The following UQCR11 variants were observed in gnomAD, a reference collection of about 807,000 sequenced individuals.
UQCR11 encodes the protein cytochrome b-c1 complex subunit 10.
In UQCR11, 10 loss-of-function variants were observed where a neutral mutation model predicts 7.6. The ratio of observed to expected loss-of-function variants is 1.31; its 90% CI spans 0.81 to 2.22. The LOEUF (loss-of-function observed/expected upper bound fraction) is 2.22. UQCR11 is among the 30% of genes most tolerant of loss of function. The pLI is 0.00. For missense variants in UQCR11, 86 were observed against 75.1 expected, an observed-to-expected ratio of 1.15 and a Z score of -0.54; for synonymous variants, 34 against 34.9, an observed-to-expected ratio of 0.97 and a Z score of 0.09.
intron 1 of UQCR11, among the ~76,000 whole-genome samples, chr19:1,604,718 C>G (rs770314508): frequency 6.6e-6 from 1 of 151,540 alleles, no homozygotes; most frequent in African/African-American, 2.4e-5. Flanking sequence ...AGTAGAGACG[C>G]GGGTTTCACC....
chr19:1,599,687 A>C, intron 1 of UQCR11, 127 bp from the exon 2 acceptor site: 2 of 1,406,518 alleles, frequency 1.4e-6, no homozygotes, highest in Non-Finnish European at 1.9e-6. Flanking sequence ...GTGCCCGCCC[A>C]GTGCTGTGAG....
In UQCR11 at chr19:1,599,502, CGGT is replaced by C. The variant is rs757411210; in HGVS notation, c.106_108del (p.Thr36del). 1 of 1,613,596 alleles carries C rather than the reference CGGT, an allele frequency of 6.2e-7. No homozygotes were observed. The highest frequency in any genetic ancestry group is 1.1e-5 in the South Asian group (1 of 91,086). ...ACCCAGTCCAGGATCAGCCGCCAAT[CGGT>C]GGCCCACACCAGCCCCACGGCGCCC... On this transcript the variant is annotated inframe_deletion, in exon 2 of 3. Transcript: ENST00000591899.
Position 1,597,241 on chromosome 19 carries a change from T to C in UQCR11, c.*1003A>G, listed in dbSNP as rs1484096460. 1 of 152,196 alleles carries C rather than the reference T, an allele frequency of 6.6e-6. No individual in the cohort carries two copies. Among genetic ancestry groups the C allele is most frequent in the East Asian group, 1.9e-4 (1 of 5,198 alleles). The allele number at this position is 152,196 out of a possible 1,614,324, so 9.4% of individuals were successfully genotyped here. A position where few individuals can be genotyped will look rare whatever the true frequency, so the allele number is the denominator to read the frequency against. On this transcript the variant is annotated 3_prime_UTR_variant, in exon 3 of 3. Coordinates refer to ENST00000591899, the MANE Select transcript of UQCR11 (RefSeq NM_006830.4). ...TTATCAGAGACAGGGGCCTCTTTGT[T>C]GCCCAGGTTAGTACTGAACTCCTGG...
chr19:1,604,102 T>A (rs952053446), intron 1 of UQCR11, among the ~76,000 whole-genome samples: 2 of 151,558 alleles, frequency 1.3e-5, no homozygotes, highest in African/African-American at 4.8e-5. Context: ...CGCGCCACCA[T>A]ACTTGGCTAA....
rs35204274 is a variant in UQCR11 at position 1,601,596 on chromosome 19, T to G, written c.51-2036A>C. On this transcript the variant is annotated intron_variant, in intron 1 of 2. Coordinates refer to ENST00000591899, the MANE Select transcript of UQCR11 (RefSeq NM_006830.4). The stretch of plus-strand genomic sequence containing the variant: ...AGCCTGGTGACAGAGCGAGACACCG[T>G]CTCAAAAAAAAAAAAAAAAAGGAAG... 9.9e-3 allele frequency among the ~76,000 whole-genome samples: 841 copies of G among 85,360 alleles called. 9 individuals carry two copies. Among genetic ancestry groups the G allele is most frequent in the African/African-American group, 0.037 (801 of 21,398 alleles). 56.0% of individuals were successfully genotyped at this position (85,360 alleles called of 152,430 possible).
chr19:1,599,250 G>A (rs780344009), intron 2 of UQCR11, 162 bp downstream of exon 2: 64 of 909,632 alleles, frequency 7.0e-5, no homozygotes, highest in Middle Eastern at 3.4e-4. Context: ...CCCGTGGGCC[G>A]GAGATGCCAG....
At chr19:1,604,102 T>C (rs952053446) in intron 1 of UQCR11, among the ~76,000 whole-genome samples, 1 of 151,558 alleles carries the variant, frequency 6.6e-6, no homozygotes, top group East Asian at 2.0e-4. Context: ...CGCGCCACCA[T>C]ACTTGGCTAA....
intron 1 of UQCR11, among the ~76,000 whole-genome samples, chr19:1,600,460 G>T (rs565461843): frequency 1.3e-5 from 2 of 152,078 alleles, no homozygotes; most frequent in African/African-American, 4.8e-5. Context: ...TGATCCGCCC[G>T]CCTCGGCCTC....
rs1260858696 is a variant in UQCR11 at position 1,605,440 on chromosome 19, T to C, written c.-31A>G. The C allele has an allele frequency of 6.1e-6, 8 of 1,301,912 alleles. No individual in the cohort carries two copies. Among genetic ancestry groups the C allele is most frequent in the African/African-American group, 1.7e-5 (1 of 58,716 alleles). 80.6% of individuals were successfully genotyped at this position (1,301,912 alleles called of 1,614,324 possible). On this transcript the variant is annotated 5_prime_UTR_variant, in exon 1 of 3. Transcript: ENST00000591899. ...CGGAGTCGCACCCTCAGGATGACCC[T>C]GTCCAGCTGACCCGGCTACACTGCG...
chr19:1,599,357 TC>T, intron 2 of UQCR11, 54 bp downstream of exon 2: 2 of 1,584,896 alleles, frequency 1.3e-6, no homozygotes, highest in South Asian at 1.1e-5. Flanking sequence ...AACCCACTCT[TC>T]GGCCACCATC....
intron 1 of UQCR11, 83 bp from the exon 2 acceptor site, chr19:1,599,643 G>C: frequency 1.3e-6 from 2 of 1,553,460 alleles, no homozygotes; most frequent in Non-Finnish European, 1.7e-6. Flanking sequence ...CCCCCGTCCT[G>C]AGCGGTGATG....
chr19:1,604,399 T>C (rs1395780143), intron 1 of UQCR11, among the ~76,000 whole-genome samples: 1 of 152,018 alleles, frequency 6.6e-6, no homozygotes, highest in Non-Finnish European at 1.5e-5. Flanking sequence ...TTTGTAGAGA[T>C]GGGGTTTCAT....
At chr19:1,598,554 A>G (rs915449211) in intron 2 of UQCR11, among the ~76,000 whole-genome samples, 6 of 152,082 alleles carry the variant, frequency 3.9e-5, no homozygotes, top group South Asian at 2.1e-4. Context: ...CAAAAAAAAA[A>G]AAAAAAATTA....
At chr19:1,600,069 C>T (rs962050600) in intron 1 of UQCR11, among the ~76,000 whole-genome samples, 4 of 152,256 alleles carry the variant, frequency 2.6e-5, no homozygotes, top group African/African-American at 9.6e-5. Context: ...GCTGTGAGAG[C>T]TCCCCTGAGT....
chr19:1,599,081 C>T (rs966974076), intron 2 of UQCR11: 11 of 261,886 alleles, frequency 4.2e-5, no homozygotes, highest in Admixed American at 9.9e-5. Flanking sequence ...CTCCACCTTC[C>T]CCCTCTGTCT....
intron 1 of UQCR11, among the ~76,000 whole-genome samples, chr19:1,604,431 G>A (rs1437767744): frequency 6.6e-6 from 1 of 151,838 alleles, no homozygotes; most frequent in African/African-American, 2.4e-5. Context: ...GGATGGTCTT[G>A]AACTCCCAGG....
At chr19:1,604,236 C>T (rs1380231176) in intron 1 of UQCR11, among the ~76,000 whole-genome samples, 1 of 152,146 alleles carries the variant, frequency 6.6e-6, no homozygotes, top group Non-Finnish European at 1.5e-5. Context: ...TGAGTCACTG[C>T]GCCCAGCAGC....
At position 1,603,668 on chromosome 19, in the gene UQCR11, C is replaced by T. The variant is rs142983222; in HGVS notation, c.50+1692G>A. Among the ~76,000 whole-genome samples, 553 of 152,284 alleles carry T rather than the reference C, an allele frequency of 3.6e-3. 3 individuals carry two copies. The highest frequency in any genetic ancestry group is 8.3e-3 in the Admixed American group (127 of 15,296). On this transcript the variant is annotated intron_variant, in intron 1 of 2. Transcript: ENST00000591899. ...TGCTGTTGGATGAAAGCACGGATGA[C>T]GGGTGGTCCCCGCTGTGACTGAACA...
chr19:1,599,877 T>C (rs2060742174), intron 1 of UQCR11, among the ~76,000 whole-genome samples: 1 of 152,266 alleles, frequency 6.6e-6, no homozygotes, highest in Non-Finnish European at 1.5e-5. Flanking sequence ...TGCTGCAGTC[T>C]GCAGAAATTC....
Sources: gnomAD v4.1 joint callset for allele counts (sites outside exome capture counted in the v4.1 genomes callset) on GRCh38, gnomAD v4.1.1 for gene constraint, MANE v1.5 for transcripts, NCBI Gene and HGNC (gene_info 2026-07-23, HGNC 2026-07-21) for gene names.